The following KIFAP3 variants were observed in gnomAD, a reference collection of about 807,000 sequenced individuals.
KIFAP3 encodes the protein kinesin-associated protein 3.
In KIFAP3, 68 loss-of-function variants were observed where a neutral mutation model predicts 106.5. The ratio of observed to expected loss-of-function variants is 0.64; its 90% CI spans 0.53 to 0.78. The LOEUF (loss-of-function observed/expected upper bound fraction) is 0.78. Among genes scored for constraint, KIFAP3 ranks in the 30% least tolerant of loss-of-function variants. The probability of loss-of-function intolerance (pLI) is 0.00; values close to 1 mark genes in which losing one functional copy is unlikely to be tolerated. For missense variants in KIFAP3, 780 were observed against 941.8 expected (o/e 0.83, Z 2.25); for synonymous variants, 320 against 311.5 (o/e 1.03, Z -0.29).
At chr1:169,982,221 T>G (rs1393839292) in intron 14 of KIFAP3, 124 bp from the exon 15 acceptor site, 2 of 999,586 alleles carry the variant, frequency 2.0e-6, no homozygotes, top group South Asian at 1.7e-5. Context: ...TATGAATCCT[T>G]GATATGCTAT....
chr1:170,084,063 A>G (rs931917445), intron 1 of KIFAP3, among the ~76,000 whole-genome samples: 1 of 152,212 alleles, frequency 6.6e-6, no homozygotes, highest in African/African-American at 2.4e-5. Flanking sequence ...GCCTAACACC[A>G]ATGACAGAAT....
At chr1:169,958,193 T>A (rs375838138) in intron 18 of KIFAP3, 1 of 152,326 alleles carries the variant, frequency 6.6e-6, no homozygotes, top group African/African-American at 2.4e-5. Flanking sequence ...AGTAATCCCC[T>A]CACCTCAGCC....
intron 1 of KIFAP3, among the ~76,000 whole-genome samples, chr1:170,073,890 T>C (rs1451953122): frequency 6.6e-6 from 1 of 152,220 alleles, no homozygotes; most frequent in Non-Finnish European, 1.5e-5. Context: ...AATTATGTTG[T>C]ATACATGGGA....
At chr1:169,930,665 T>C (rs1385661537) in intron 19 of KIFAP3, among the ~76,000 whole-genome samples, 1 of 152,202 alleles carries the variant, frequency 6.6e-6, no homozygotes, top group Non-Finnish European at 1.5e-5. Flanking sequence ...GAGAAAAAAT[T>C]GAAATTCCAG....
chr1:169,954,177 A>G, intron 18 of KIFAP3, 67 bp from the exon 19 acceptor site: 1 of 886,276 alleles, frequency 1.1e-6, no homozygotes, highest in Non-Finnish European at 1.9e-6. Context: ...ATCAAGCAAT[A>G]CAATAAGAAA....
intron 10 of KIFAP3, among the ~76,000 whole-genome samples, chr1:169,996,227 C>G (rs896389714): frequency 6.6e-6 from 1 of 152,048 alleles, no homozygotes; most frequent in Non-Finnish European, 1.5e-5. Context: ...CCCACACCTT[C>G]CTGCTTTAAC....
intron 10 of KIFAP3, among the ~76,000 whole-genome samples, chr1:169,995,515 T>C (rs967972027): frequency 6.6e-6 from 1 of 152,094 alleles, no homozygotes; most frequent in Non-Finnish European, 1.5e-5. Context: ...TAGTAATGGA[T>C]TCACTGAAAA....
intron 19 of KIFAP3, among the ~76,000 whole-genome samples, chr1:169,951,950 TC>T (rs1305090229): frequency 1.3e-5 from 2 of 151,942 alleles, no homozygotes. Context: ...TTTCATCCTT[TC>T]CCAATTATGT....
At chr1:169,932,978 A>G (rs1663578729) in intron 19 of KIFAP3, among the ~76,000 whole-genome samples, 1 of 152,040 alleles carries the variant, frequency 6.6e-6, no homozygotes, top group Non-Finnish European at 1.5e-5. Context: ...AAAATCGAGC[A>G]ATGACTGATA....
intron 5 of KIFAP3, among the ~76,000 whole-genome samples, 186 bp from the exon 6 acceptor site, chr1:170,035,739 C>T (rs915077061): frequency 2.6e-5 from 4 of 151,944 alleles, no homozygotes; most frequent in Admixed American, 2.0e-4. Flanking sequence ...CTTAAAGATA[C>T]GTAACATGCT....
chr1:169,930,351 A>T (rs1663395442), intron 19 of KIFAP3, among the ~76,000 whole-genome samples: 1 of 152,236 alleles, frequency 6.6e-6, no homozygotes, highest in South Asian at 2.1e-4. Context: ...TCCATGGCAT[A>T]TTGAACATTG....
chr1:170,053,807 TG>T (rs2102116065), intron 2 of KIFAP3, among the ~76,000 whole-genome samples: 2 of 152,246 alleles, frequency 1.3e-5, no homozygotes, highest in South Asian at 4.1e-4. Context: ...AAACAGAAAC[TG>T]GACCCCTTCC....
At chr1:170,044,131 T>C (rs554586261) in intron 3 of KIFAP3, among the ~76,000 whole-genome samples, 1 of 152,152 alleles carries the variant, frequency 6.6e-6, no homozygotes, top group Admixed American at 6.5e-5. Context: ...ACATAAAATG[T>C]AAGGGTGGAT....
intron 10 of KIFAP3, among the ~76,000 whole-genome samples, chr1:170,014,317 C>A (rs1170630835): frequency 1.3e-5 from 2 of 152,184 alleles, no homozygotes; most frequent in African/African-American, 4.8e-5. Context: ...AGCATAAATC[C>A]ATTTTTCTAA....
Position 170,038,477 on chromosome 1 carries a change from T to A in KIFAP3, c.376-46A>T, listed in dbSNP as rs892821376. 7 of 1,565,802 alleles carry A rather than the reference T, an allele frequency of 4.5e-6. No homozygotes were observed. The Admixed American group carries it at 1.2e-4, about 27-fold the overall frequency. ...GTACTCATCAACAATGCTCAACAGA[T>A]CCACTGTCAAAGAAATGTTATTTTG... On this transcript the variant is annotated intron_variant, in intron 4 of 19. Coordinates refer to ENST00000361580, the MANE Select transcript of KIFAP3 (RefSeq NM_014970.4).
chr1:170,001,926 T>C (rs1667688443), intron 10 of KIFAP3, among the ~76,000 whole-genome samples: 1 of 152,284 alleles, frequency 6.6e-6, no homozygotes, highest in East Asian at 1.9e-4. Flanking sequence ...AATTAAAAGT[T>C]AGATCATATT....
chr1:170,071,742 AC>A (rs1671713826), intron 1 of KIFAP3, among the ~76,000 whole-genome samples: 1 of 151,886 alleles, frequency 6.6e-6, no homozygotes, highest in Non-Finnish European at 1.5e-5. Flanking sequence ...AAACTGAAAC[AC>A]CTCCCAGGCT....
At chr1:169,952,096 C>T (rs982061111) in intron 19 of KIFAP3, among the ~76,000 whole-genome samples, 6 of 151,940 alleles carry the variant, frequency 3.9e-5, no homozygotes, top group Admixed American at 1.3e-4. Context: ...CATATGCTTT[C>T]TAGTATTTAA....
At chr1:169,923,027 A>T (rs1027115320) in intron 19 of KIFAP3, 1 of 913,686 alleles carries the variant, frequency 1.1e-6, no homozygotes, top group African/African-American at 1.8e-5. Context: ...ATGGAACTAA[A>T]GAGTAAATGT....
Sources: gnomAD v4.1 joint callset for allele counts (sites outside exome capture counted in the v4.1 genomes callset) on GRCh38, gnomAD v4.1.1 for gene constraint, MANE v1.5 for transcripts, NCBI Gene and HGNC (gene_info 2026-07-23, HGNC 2026-07-21) for gene names.